DCLRE1C: variants seen among roughly 807,000 people sequenced by gnomAD.
DCLRE1C encodes protein artemis.
Under a neutral mutation model 61.4 loss-of-function variants are expected in DCLRE1C, and 47 were observed. The ratio of observed to expected loss-of-function variants is 0.77; its 90% CI spans 0.61 to 0.98. DCLRE1C has a LOEUF of 0.98. DCLRE1C is among the 50% of genes least tolerant of loss of function. The pLI, the probability that DCLRE1C is intolerant of heterozygous loss-of-function variation, is 0.00. For synonymous variants in DCLRE1C, 337 were observed against 287.6 expected, an observed-to-expected ratio of 1.17 and a Z score of -1.74; for missense variants, 858 against 816.0, an observed-to-expected ratio of 1.05 and a Z score of -0.63.
intron 5 of DCLRE1C, 52 bp downstream of exon 5, chr10:14,936,486 A>C (rs1371046153): frequency 6.9e-7 from 1 of 1,446,854 alleles, no homozygotes; most frequent in Non-Finnish European, 9.7e-7. Flanking sequence ...ATTTCTACAA[A>C]TACAATATGT....
chr10:14,951,009 T>C (rs1245291708), intron 1 of DCLRE1C, among the ~76,000 whole-genome samples: 3 of 152,194 alleles, frequency 2.0e-5, no homozygotes, highest in African/African-American at 7.2e-5. Context: ...AAGCCCACCC[T>C]GCACACAGCA....
intron 13 of DCLRE1C, among the ~76,000 whole-genome samples, chr10:14,915,400 G>A (rs1836007245): frequency 6.6e-6 from 1 of 151,910 alleles, no homozygotes; most frequent in African/African-American, 2.4e-5. Context: ...CCTCTAGCTA[G>A]ACTAATCAAG....
intron 13 of DCLRE1C, among the ~76,000 whole-genome samples, chr10:14,918,467 C>G (rs1025327125): frequency 6.6e-6 from 1 of 151,804 alleles, no homozygotes; most frequent in Non-Finnish European, 1.5e-5. Context: ...GGGTGAGAAC[C>G]GGAGGGAATT....
rs573703278 is a variant in DCLRE1C at position 14,931,095 on chromosome 10, G to A, written c.780+1759C>T. Among the ~76,000 whole-genome samples, 8 of 152,288 alleles carry A rather than the reference G, an allele frequency of 5.3e-5. No homozygotes were observed. In the East Asian group the frequency reaches 1.4e-3, roughly 26 times the overall value. On this transcript the variant is annotated intron_variant, in intron 9 of 13. Transcript: ENST00000378278. ...CTTTAAAAATTACACAGGATTTAATGCTAAGGTATTTTAAAATTTAGAGAA... is the reference window on the plus strand; with the variant it reads ...CTTTAAAAATTACACAGGATTTAATACTAAGGTATTTTAAAATTTAGAGAA...
At chr10:14,938,884 A>G (rs1344732519) in intron 4 of DCLRE1C, among the ~76,000 whole-genome samples, 2 of 152,206 alleles carry the variant, frequency 1.3e-5, no homozygotes, top group African/African-American at 4.8e-5. Context: ...AATGTGACAA[A>G]AAATAAGCCA....
At chr10:14,919,170 C>G (rs1229476712) in intron 13 of DCLRE1C, among the ~76,000 whole-genome samples, 3 of 152,162 alleles carry the variant, frequency 2.0e-5, no homozygotes, top group Non-Finnish European at 4.4e-5. Context: ...CGAAATAGGG[C>G]TGCTGGAAAG....
At chr10:14,899,733 G>C (rs1430775187), downstream of DCLRE1C, 1 of 1,590,502 alleles carries the variant, frequency 6.3e-7, no homozygotes, top group East Asian at 2.2e-5. Flanking sequence ...ATTCAACCTA[G>C]TACTAGTTTC....
rs192104618 is a variant in DCLRE1C, at chr10:14,913,521, C to T, written c.1157-4191G>A. ...ATGGAAATATACTGCTGGAACATTC[C>T]TATACCATATTTGGAGTAATATATC... On this transcript the variant is annotated intron_variant, in intron 13 of 13. Transcript: ENST00000378278. Among the ~76,000 whole-genome samples, 405 of 152,288 alleles carry T rather than the reference C, an allele frequency of 2.7e-3. 1 individual carries two copies. The highest frequency in any genetic ancestry group is 9.3e-3 in the African/African-American group (385 of 41,560).
At chr10:14,953,377 G>A (rs561789303) in intron 1 of DCLRE1C, among the ~76,000 whole-genome samples, 75 of 152,196 alleles carry the variant, frequency 4.9e-4, no homozygotes, top group African/African-American at 1.8e-3. Context: ...CCATCTAGAA[G>A]GGAAACATCC....
chr10:14,937,672 C>G (rs1285087359), intron 4 of DCLRE1C, among the ~76,000 whole-genome samples: 1 of 152,070 alleles, frequency 6.6e-6, no homozygotes, highest in Non-Finnish European at 1.5e-5. Flanking sequence ...GAACGAATCC[C>G]TTGAGGTCAG....
chr10:14,911,301 A>G (rs1307928614), intron 13 of DCLRE1C: 3 of 152,204 alleles, frequency 2.0e-5, no homozygotes, highest in Non-Finnish European at 4.4e-5. Context: ...AGTGGGGAAA[A>G]TTAACCATAT....
At chr10:14,932,642 A>G (rs1211108299) in intron 9 of DCLRE1C, among the ~76,000 whole-genome samples, 1 of 152,182 alleles carries the variant, frequency 6.6e-6, no homozygotes, top group Admixed American at 6.5e-5. Context: ...TCTCAAAAAA[A>G]AAAAGTACAG....
chr10:14,902,361 T>C, downstream of DCLRE1C: 1 of 1,334,966 alleles, frequency 7.5e-7, no homozygotes, highest in Non-Finnish European at 1.0e-6. Context: ...TATTCTAAAT[T>C]GTCTTAACTC....
intron 12 of DCLRE1C, chr10:14,920,400 C>T: frequency 3.0e-6 from 3 of 1,012,432 alleles, no homozygotes; most frequent in Non-Finnish European, 3.5e-6. Flanking sequence ...GGCCTCACTG[C>T]CAACTGCCTC....
At chr10:14,952,583 A>C (rs939942557) in intron 1 of DCLRE1C, among the ~76,000 whole-genome samples, 1 of 152,088 alleles carries the variant, frequency 6.6e-6, no homozygotes, top group Non-Finnish European at 1.5e-5. Flanking sequence ...ACTCCACCTC[A>C]AAATAATAAT....
rs1842028599 is a variant in DCLRE1C at position 14,948,703 on chromosome 10, C to A, written c.161+333G>T. Among the ~76,000 whole-genome samples, 3 of 151,488 alleles carry A rather than the reference C, an allele frequency of 2.0e-5. No homozygotes were observed. The South Asian group carries it at 6.2e-4, about 32-fold the overall frequency. On this transcript the variant is annotated intron_variant, in intron 2 of 13. Transcript: ENST00000378278. ...TCAGCCTGGGCGACATAGCAAAACT[C>A]CATCTCTGTTTTTTTTGTTGCTGTC...
exon 14 of DCLRE1C, chr10:14,897,543 A>G (rs948060331): frequency 1.3e-6 from 2 of 1,485,360 alleles, no homozygotes; most frequent in East Asian, 4.6e-5. Flanking sequence ...CACGTAGTAA[A>G]TGATGGACAT....
In DCLRE1C at chr10:14,907,300, C is replaced by T. The variant is rs1305891604; in HGVS notation, c.*1108G>A. Among the ~76,000 whole-genome samples, 1 of 149,888 alleles carries T rather than the reference C, an allele frequency of 6.7e-6. No homozygotes were observed. The highest frequency in any genetic ancestry group is 2.5e-5 in the African/African-American group (1 of 40,550). ...TAGCCATCAGTTTATCATACTAGATCCAAGTTTGTCAATTTAAATCAGGTG... is the reference window on the plus strand; with the variant it reads ...TAGCCATCAGTTTATCATACTAGATTCAAGTTTGTCAATTTAAATCAGGTG... On this transcript the variant is annotated 3_prime_UTR_variant, in exon 14 of 14. Transcript: ENST00000378278.
intron 13 of DCLRE1C, among the ~76,000 whole-genome samples, chr10:14,913,844 G>C (rs1441972197): frequency 1.3e-5 from 2 of 151,954 alleles, no homozygotes; most frequent in African/African-American, 2.4e-5. Context: ...TGGTACTCTT[G>C]GGGGGGTCCT....
Sources: allele counts gnomAD v4.1 joint callset (sites outside exome capture counted in the v4.1 genomes callset), GRCh38; gene constraint gnomAD v4.1.1; transcripts MANE v1.5; gene names NCBI Gene and HGNC (gene_info 2026-07-23, HGNC 2026-07-21).